The following CNTN4 variants were observed in gnomAD, a reference collection of about 807,000 sequenced individuals.
CNTN4 encodes the protein contactin 4, also known as contactin-4.
A neutral mutation model predicts 122.5 loss-of-function variants in CNTN4; 77 were observed. That is an observed-to-expected ratio of 0.63 (90% CI 0.52 to 0.76). CNTN4 has a LOEUF of 0.76. Ranked by LOEUF, CNTN4 falls within the 30% of genes least tolerant of loss-of-function variation. The probability of loss-of-function intolerance (pLI) is 0.00; values close to 1 mark genes in which losing one functional copy is unlikely to be tolerated. For synonymous variants in CNTN4, 512 were observed against 447.0 expected (o/e 1.15, Z -1.83); for missense variants, 1,256 against 1,259.1 (o/e 1.00, Z 0.04).
intron 2 of CNTN4, among the ~76,000 whole-genome samples, chr3:2,188,525 T>C (rs1433713341): frequency 1.3e-5 from 2 of 152,148 alleles, no homozygotes; most frequent in Non-Finnish European, 2.9e-5. Flanking sequence ...TCCAGAAACC[T>C]TTTAGCTATT....
chr3:2,724,583 C>G (rs914042976), intron 4 of CNTN4, among the ~76,000 whole-genome samples: 2 of 152,022 alleles, frequency 1.3e-5, no homozygotes, highest in Non-Finnish European at 2.9e-5. Context: ...AATTACAAAC[C>G]TGAAACATTT....
intron 3 of CNTN4, among the ~76,000 whole-genome samples, chr3:2,523,131 G>A (rs1372186613): frequency 6.6e-6 from 1 of 152,066 alleles, no homozygotes; most frequent in Non-Finnish European, 1.5e-5. Context: ...ATTGAGGTAT[G>A]TACTGGAGAC....
chr3:2,329,314 A>T (rs1249825760), intron 2 of CNTN4, among the ~76,000 whole-genome samples: 6 of 152,196 alleles, frequency 3.9e-5, no homozygotes, highest in Non-Finnish European at 8.8e-5. Flanking sequence ...CACTTATGTC[A>T]GTGGAAATGT....
At chr3:2,894,884 A>C (rs2094089349) in intron 10 of CNTN4, among the ~76,000 whole-genome samples, 2 of 152,158 alleles carry the variant, frequency 1.3e-5, no homozygotes, top group Admixed American at 1.3e-4. Context: ...GACTTATTGG[A>C]GTGGAGGACA....
intron 3 of CNTN4, among the ~76,000 whole-genome samples, chr3:2,369,243 G>A (rs1324554353): frequency 6.6e-6 from 1 of 152,034 alleles, no homozygotes; most frequent in Non-Finnish European, 1.5e-5. Context: ...GATTTTTATT[G>A]GTTATAAGAC....
chr3:2,983,593 C>T (rs1200541513), intron 13 of CNTN4, among the ~76,000 whole-genome samples: 3 of 152,164 alleles, frequency 2.0e-5, no homozygotes, highest in Non-Finnish European at 4.4e-5. Context: ...TTCTAAGCAC[C>T]GCACATCTTA....
At chr3:2,963,030 G>C (rs540346956) in intron 13 of CNTN4, among the ~76,000 whole-genome samples, 1 of 152,220 alleles carries the variant, frequency 6.6e-6, no homozygotes, top group Non-Finnish European at 1.5e-5. Context: ...CCGCATTCTG[G>C]ATGCCGTATA....
chr3:2,180,185 A>C (rs930214774), intron 2 of CNTN4, among the ~76,000 whole-genome samples: 1 of 152,050 alleles, frequency 6.6e-6, no homozygotes, highest in African/African-American at 2.4e-5. Flanking sequence ...TAAATAATAC[A>C]TCTAGCCTAA....
At chr3:3,034,916 C>A in intron 17 of CNTN4, 126 bp downstream of exon 17, 1 of 1,068,226 alleles carries the variant, frequency 9.4e-7, no homozygotes, top group South Asian at 1.3e-5. Flanking sequence ...GCAGTGTTTC[C>A]TAAACCTCGG....
chr3:2,485,127 G>T (rs775469555), intron 3 of CNTN4, among the ~76,000 whole-genome samples: 29 of 152,224 alleles, frequency 1.9e-4, no homozygotes, highest in Admixed American at 3.9e-4. Flanking sequence ...TTCCCGCCAG[G>T]CCTCAGCTGC....
chr3:2,913,824 A>T (rs2094326643), intron 12 of CNTN4, among the ~76,000 whole-genome samples: 6 of 152,228 alleles, frequency 3.9e-5, no homozygotes, highest in Admixed American at 3.9e-4. Flanking sequence ...AAGCATATAA[A>T]GAACACTGCT....
At chr3:2,099,070 G>C (rs1159627652) in intron 1 of CNTN4, 92 bp downstream of exon 1, 1 of 152,234 alleles carries the variant, frequency 6.6e-6, no homozygotes, top group East Asian at 1.9e-4. Flanking sequence ...GAAAGGGCAG[G>C]GTCCGCGCGG....
At chr3:2,862,546 T>A (rs1027739758) in intron 7 of CNTN4, among the ~76,000 whole-genome samples, 1 of 152,180 alleles carries the variant, frequency 6.6e-6, no homozygotes, top group Non-Finnish European at 1.5e-5. Context: ...CACAATCCAT[T>A]TAATATGTTG....
intron 2 of CNTN4, among the ~76,000 whole-genome samples, chr3:2,171,306 T>C (rs2149243649): frequency 6.6e-6 from 1 of 152,314 alleles, no homozygotes; most frequent in African/African-American, 2.4e-5. Context: ...AAAAATGCCA[T>C]TACATTTTCA....
chr3:2,120,388 T>A (rs1341780353), intron 2 of CNTN4, among the ~76,000 whole-genome samples: 8 of 28,078 alleles, frequency 2.8e-4, no homozygotes, highest in African/African-American at 7.4e-4. Flanking sequence ...TATATATATA[T>A]ATATATATAT....
At chr3:2,978,405 A>G (rs985405959) in intron 13 of CNTN4, among the ~76,000 whole-genome samples, 1 of 152,198 alleles carries the variant, frequency 6.6e-6, no homozygotes, top group African/African-American at 2.4e-5. Context: ...GGAACATTAA[A>G]GAGAGGTTCA....
chr3:2,204,834 TG>T (rs2038266980), intron 2 of CNTN4, among the ~76,000 whole-genome samples: 3 of 152,132 alleles, frequency 2.0e-5, no homozygotes, highest in Admixed American at 6.6e-5. Context: ...AGTAACTTAT[TG>T]AGTGGATAAT....
intron 2 of CNTN4, among the ~76,000 whole-genome samples, chr3:2,162,796 A>G (rs1039431733): frequency 1.3e-5 from 2 of 152,196 alleles, no homozygotes; most frequent in African/African-American, 2.4e-5. Context: ...ATCAAATAAA[A>G]GAAACAATAA....
rs370653933 is a variant in CNTN4, at chr3:2,804,737, C to CTTTTTTTTTTTTTTTTTTTTTT, written c.359-14740_359-14739insTTTTTTTTTTTTTTTTTTTTTT. Among the ~76,000 whole-genome samples, 59 of 144,912 alleles carry CTTTTTTTTTTTTTTTTTTTTTT rather than the reference C, an allele frequency of 4.1e-4. 3 individuals are homozygous for CTTTTTTTTTTTTTTTTTTTTTT. Among genetic ancestry groups the CTTTTTTTTTTTTTTTTTTTTTT allele is most frequent in the African/African-American group, 5.6e-4 (22 of 39,260 alleles). ...CAACCACACCCACATATTTTGAGCA[C>CTTTTTTTTTTTTTTTTTTTTTT]TTTTTTTTTGAGACAAGGTCTCTCT... On this transcript the variant is annotated intron_variant, in intron 6 of 24. Transcript: ENST00000418658.
Sources: allele counts gnomAD v4.1 joint callset (sites outside exome capture counted in the v4.1 genomes callset), GRCh38; gene constraint gnomAD v4.1.1; transcripts MANE v1.5; gene names NCBI Gene and HGNC (gene_info 2026-07-23, HGNC 2026-07-21).